CTSD: variants seen among roughly 807,000 people sequenced by gnomAD.
The protein encoded by CTSD is cathepsin D.
Under a neutral mutation model 43.6 loss-of-function variants are expected in CTSD, and 28 were observed. That is an observed-to-expected ratio of 0.64 (90% CI 0.48 to 0.88). The LOEUF (loss-of-function observed/expected upper bound fraction) is 0.88. Among genes scored for constraint, CTSD ranks in the 40% least tolerant of loss-of-function variants. The probability of loss-of-function intolerance (pLI) is 0.00; values close to 1 mark genes in which losing one functional copy is unlikely to be tolerated. For missense variants in CTSD, 485 were observed against 555.2 expected (o/e 0.87, Z 1.27); for synonymous variants, 270 against 249.8 (o/e 1.08, Z -0.76).
Position 1,757,496 on chromosome 11 carries a change from C to T in CTSD, c.532G>A (p.Val178Ile). The T allele has an allele frequency of 2.5e-6, 4 of 1,613,932 alleles. No individual in the cohort carries two copies. The highest frequency in any genetic ancestry group is 3.4e-6 in the Non-Finnish European group (4 of 1,180,012). Residue 178 changes from valine to isoleucine, a missense_variant, in exon 5 of 9, where the codon GTC (valine) becomes ATC (isoleucine). Physicochemically the swap from Val to Ile is conservative, Grantham distance 29 (BLOSUM62 3). Transcript: ENST00000236671. ...ALGGVKVERQ[V>I]FGEATKQPGI... ...GGCTGCTTGGTGGCCTCCCCAAAGA[C>T]CTGCCTCTCCACTTTGACACCGCCC...
chr11:1,758,360 C>A (rs538815807), intron 4 of CTSD, among the ~76,000 whole-genome samples: 10 of 152,248 alleles, frequency 6.6e-5, no homozygotes, highest in African/African-American at 2.2e-4. Flanking sequence ...GCCTGGTCCA[C>A]CCCCAGCAGA....
In CTSD at chr11:1,757,703, T is replaced by C. The variant is rs1025737575; in HGVS notation, c.472-147A>G. 4.1e-6 allele frequency: 3 copies of C among 723,242 alleles called. No homozygotes were observed. The African/African-American group carries it at 5.3e-5, about 13-fold the overall frequency. 44.8% of individuals were successfully genotyped at this position (723,242 alleles called of 1,614,324 possible). A position where few individuals can be genotyped will look rare whatever the true frequency, so the allele number is the denominator to read the frequency against. ...GCCCAGAAGAAAGGGCTGGAAACCC[T>C]GAGCTGAACACCGCTGGGGATGGGG... On this transcript the variant is annotated intron_variant, in intron 4 of 8. Transcript: ENST00000236671.
Position 1,759,464 on chromosome 11 carries a change from G to A in CTSD, c.352+52C>T, listed in dbSNP as rs377590076. On this transcript the variant is annotated intron_variant, in intron 3 of 8. Transcript: ENST00000236671. ...GTGATTCCTGAGGCAGCCCTGCAGC[G>A]ACATCCCGGAAGGGCAGGACCTGGG... 63 of 1,609,830 alleles carry A rather than the reference G, an allele frequency of 3.9e-5. No individual in the cohort carries two copies. In the African/African-American group the frequency reaches 5.9e-4, roughly 15 times the overall value.
rs1402015587 is a variant in CTSD at position 1,759,623 on chromosome 11, T to A, written c.245A>T (p.Glu82Val). The A allele has an allele frequency of 6.2e-7, 1 of 1,613,076 alleles. No homozygotes were observed. The highest frequency in any genetic ancestry group is 1.3e-5 in the African/African-American group (1 of 74,896). The change falls in exon 3 of 9, where the codon GAG (glutamate) becomes GTG (valine). Residue 82 changes from glutamate (E) to valine (V), a missense_variant. Transcript: ENST00000236671. ...KNYMDAQYYG[E>V]IGIGTPPQCF... Reference sequence around the variant, plus strand: ...CTGGGGGGGCGTCCCGATGCCAATCTCCCCGTAGTACTGGGCCTGGCAGGG... The same window carrying A: ...CTGGGGGGGCGTCCCGATGCCAATCACCCCGTAGTACTGGGCCTGGCAGGG...
At chr11:1,758,295 C>G (rs1845833744) in intron 4 of CTSD, among the ~76,000 whole-genome samples, 1 of 152,144 alleles carries the variant, frequency 6.6e-6, no homozygotes, top group African/African-American at 2.4e-5. Context: ...GCCCTCCTGG[C>G]CCGCTCCAGA....
intron 5 of CTSD, 65 bp downstream of exon 5, chr11:1,757,259 G>A (rs1845820610): frequency 1.5e-6 from 2 of 1,354,478 alleles, no homozygotes; most frequent in South Asian, 1.2e-5. Flanking sequence ...GTGCCTAGAA[G>A]GCTCCCCGTC....
rs1047769384 is a variant in CTSD, at chr11:1,754,245, C to A, written c.828-107G>T. On this transcript the variant is annotated intron_variant, in intron 6 of 8. Coordinates refer to ENST00000236671, the MANE Select transcript of CTSD (RefSeq NM_001909.5). ...CCCTGGCTGGGCTGCACTCTCCTCC[C>A]CTCAGGGCTCCTGGAAGCACAGCCG... The A allele has an allele frequency of 3.0e-6, 4 of 1,320,340 alleles. No individual in the cohort carries two copies. In the Admixed American group the frequency reaches 6.0e-5, roughly 20 times the overall value. 81.8% of individuals were successfully genotyped at this position (1,320,340 alleles called of 1,614,324 possible).
At chr11:1,759,390 G>A in intron 3 of CTSD, 126 bp downstream of exon 3, 1 of 1,391,020 alleles carries the variant, frequency 7.2e-7, no homozygotes, top group South Asian at 1.2e-5. Context: ...CAGGGTGGAG[G>A]GCTGGCCTGG....
Position 1,757,511 on chromosome 11 carries a change from T to C in CTSD, c.517A>G (p.Lys173Glu). ...ASSASALGGV[K>E]VERQVFGEAT... ...TCCCCAAAGACCTGCCTCTCCACTT[T>C]GACACCGCCCAGGGCAGAGGCTGAC... The change falls in exon 5 of 9, where the codon AAA becomes GAA. Residue 173 changes from lysine to glutamate, a missense_variant. Physicochemically the swap from Lys to Glu is moderately conservative, Grantham distance 56. Coordinates refer to ENST00000236671, the MANE Select transcript of CTSD (RefSeq NM_001909.5). The C allele has an allele frequency of 1.9e-6, 3 of 1,613,746 alleles. No homozygotes were observed. Among genetic ancestry groups the C allele is most frequent in the Non-Finnish European group, 2.5e-6 (3 of 1,179,986 alleles).
Position 1,763,634 on chromosome 11 carries a change from C to G in CTSD, c.68+158G>C, listed in dbSNP as rs1323247023. ...CCCGGCGCCCCGTAGGCGGGTGGTC[C>G]GTGCAGGAGGCCGCGCAGGGCGGCA... On this transcript the variant is annotated intron_variant, in intron 1 of 8. Coordinates refer to ENST00000236671, the MANE Select transcript of CTSD (RefSeq NM_001909.5). 1.0e-5 allele frequency: 7 copies of G among 668,268 alleles called. No homozygotes were observed. The East Asian group carries it at 2.4e-4, about 23-fold the overall frequency. 41.4% of individuals were successfully genotyped at this position (668,268 alleles called of 1,614,324 possible).
At chr11:1,754,832 C>A (rs1164182333) in intron 6 of CTSD, 74 bp downstream of exon 6, 2 of 1,604,296 alleles carry the variant, frequency 1.2e-6, no homozygotes, top group East Asian at 4.5e-5. Context: ...CCTGCAGAAC[C>A]GGGGTCCTCC....
At position 1,753,128 on chromosome 11, in the gene CTSD, T is replaced by C. The variant is rs916854972; in HGVS notation, c.*375A>G. 1 of 332,858 alleles carries C rather than the reference T, an allele frequency of 3.0e-6. No individual in the cohort carries two copies. Among genetic ancestry groups the C allele is most frequent in the Admixed American group, 4.3e-5 (1 of 23,312 alleles). The allele number at this position is 332,858 out of a possible 1,614,324, so 20.6% of individuals were successfully genotyped here. A position where few individuals can be genotyped will look rare whatever the true frequency, so the allele number is the denominator to read the frequency against. ...CCCGGGAGGACGGCCTGGTGTGGGGTAGGGGCTCAGCCCAGCGGGCGCTGG... is the reference window on the plus strand; with the variant it reads ...CCCGGGAGGACGGCCTGGTGTGGGGCAGGGGCTCAGCCCAGCGGGCGCTGG... On this transcript the variant is annotated 3_prime_UTR_variant, in exon 9 of 9. Coordinates refer to ENST00000236671, the MANE Select transcript of CTSD (RefSeq NM_001909.5).
At chr11:1,761,543 A>C (rs1590908862) in intron 1 of CTSD, 75 bp from the exon 2 acceptor site, 3 of 1,515,518 alleles carry the variant, frequency 2.0e-6, no homozygotes, top group Non-Finnish European at 2.7e-6. Flanking sequence ...CTGCACATCC[A>C]CCTGGAGGCC....
intron 6 of CTSD, 23 bp downstream of exon 6, chr11:1,754,881 GGA>G (rs776703854): frequency 3.7e-6 from 6 of 1,613,324 alleles, no homozygotes; most frequent in Non-Finnish European, 5.1e-6. Context: ...AGAACCCAGG[GGA>G]GCCGACTGCA....
intron 1 of CTSD, among the ~76,000 whole-genome samples, chr11:1,762,815 T>C (rs980927187): frequency 2.0e-5 from 3 of 152,138 alleles, no homozygotes; most frequent in African/African-American, 4.8e-5. Context: ...ACAACGACTT[T>C]AATTGGGGCT....
At chr11:1,759,731 CCATA>C in intron 2 of CTSD, 92 bp from the exon 3 acceptor site, 44 of 1,383,510 alleles carry the variant, frequency 3.2e-5, no homozygotes, top group Middle Eastern at 2.5e-4. Flanking sequence ...GAGCCAAGGC[CCATA>C]CTGGAGGGAG....
intron 2 of CTSD, 139 bp from the exon 3 acceptor site, chr11:1,759,778 A>G: frequency 1.2e-6 from 1 of 863,074 alleles, no homozygotes; most frequent in South Asian, 1.8e-5. Context: ...GCCAACAGCC[A>G]CCCACTCCCA....
At chr11:1,761,131 T>G in intron 2 of CTSD, 178 bp downstream of exon 2, 2 of 683,052 alleles carry the variant, frequency 2.9e-6, no homozygotes, top group Non-Finnish European at 5.2e-6. Flanking sequence ...CAGGGGCCAG[T>G]GGCAGGAGGT....
intron 5 of CTSD, among the ~76,000 whole-genome samples, chr11:1,756,960 A>G (rs1037134799): frequency 2.6e-5 from 4 of 152,074 alleles, no homozygotes; most frequent in African/African-American, 9.7e-5. Flanking sequence ...CCAGGACCAC[A>G]TGTGCCCATC....
Sources: gnomAD v4.1 joint callset for allele counts (sites outside exome capture counted in the v4.1 genomes callset) on GRCh38, gnomAD v4.1.1 for gene constraint, MANE v1.5 for transcripts, NCBI Gene and HGNC (gene_info 2026-07-23, HGNC 2026-07-21) for gene names.